The following STXBP5 variants were observed in gnomAD, a reference collection of about 807,000 sequenced individuals.
The protein encoded by STXBP5 is syntaxin binding protein 5.
A neutral mutation model predicts 152.4 loss-of-function variants in STXBP5; 50 were observed. The observed-to-expected ratio is 0.33, with a 90% CI of 0.26 to 0.42. The LOEUF (loss-of-function observed/expected upper bound fraction) is 0.42, where lower values mean the gene tolerates loss of function less well. Ranked by LOEUF, STXBP5 falls within the 10% of genes least tolerant of loss-of-function variation. The probability of loss-of-function intolerance (pLI) is 1.00; values close to 1 mark genes in which losing one functional copy is unlikely to be tolerated. For missense variants in STXBP5, 1,167 were observed against 1,388.6 expected (o/e 0.84, Z 2.54); for synonymous variants, 492 against 494.7 (o/e 0.99, Z 0.07).
At chr6:147,274,879 A>C (rs1780363206) in intron 7 of STXBP5, among the ~76,000 whole-genome samples, 1 of 152,144 alleles carries the variant, frequency 6.6e-6, no homozygotes, top group African/African-American at 2.4e-5. Context: ...AATATTAATT[A>C]GTATATGTGT....
intron 21 of STXBP5, among the ~76,000 whole-genome samples, chr6:147,350,112 T>C (rs1027788341): frequency 6.6e-6 from 1 of 152,170 alleles, no homozygotes; most frequent in African/African-American, 2.4e-5. Context: ...CAACAATCTT[T>C]CCAGTCATTT....
chr6:147,260,821 A>T, intron 5 of STXBP5, 72 bp downstream of exon 5: 2 of 1,498,102 alleles, frequency 1.3e-6, no homozygotes, highest in South Asian at 2.6e-5. Context: ...CATCATAGCC[A>T]ATCAGTAAAT....
chr6:147,213,627 A>G (rs1175039505), intron 2 of STXBP5, among the ~76,000 whole-genome samples: 2 of 152,114 alleles, frequency 1.3e-5, no homozygotes, highest in Non-Finnish European at 2.9e-5. Context: ...AAGAAAATTA[A>G]TAATTAGGAT....
chr6:147,303,272 T>C (rs747811115), intron 9 of STXBP5, among the ~76,000 whole-genome samples: 12 of 152,024 alleles, frequency 7.9e-5, no homozygotes, highest in Non-Finnish European at 1.2e-4. Flanking sequence ...ATGAGGGTGG[T>C]TTCCCCCATG....
At chr6:147,319,660 G>C (rs1782815021) in intron 16 of STXBP5, among the ~76,000 whole-genome samples, 1 of 152,026 alleles carries the variant, frequency 6.6e-6, no homozygotes, top group African/African-American at 2.4e-5. Context: ...GTGTCAGATA[G>C]AGGTAAACTG....
chr6:147,295,493 A>G (rs1176646388), intron 9 of STXBP5, among the ~76,000 whole-genome samples: 1 of 152,198 alleles, frequency 6.6e-6, no homozygotes, highest in African/African-American at 2.4e-5. Flanking sequence ...ACAGACAACT[A>G]AAATTTGACT....
At chr6:147,283,952 C>T (rs1047430420) in intron 8 of STXBP5, among the ~76,000 whole-genome samples, 15 of 152,086 alleles carry the variant, frequency 9.9e-5, no homozygotes, top group Non-Finnish European at 2.1e-4. Flanking sequence ...AGAAAGGTAA[C>T]GTGAGCTGCG....
intron 2 of STXBP5, among the ~76,000 whole-genome samples, chr6:147,225,803 A>G (rs541656099): frequency 4.6e-5 from 7 of 152,292 alleles, no homozygotes; most frequent in Non-Finnish European, 8.8e-5. Context: ...AAAATAAGCA[A>G]TAAGAGGAAA....
chr6:147,384,906 G>C lies in STXBP5; in HGVS notation c.*151G>C. ...TCATGCACTGTTTTACCTCAGTCATGTGGCTTTAACTGAGGAGTGTTCACA... is the reference window on the plus strand; with the variant it reads ...TCATGCACTGTTTTACCTCAGTCATCTGGCTTTAACTGAGGAGTGTTCACA... On this transcript the variant is annotated 3_prime_UTR_variant, in exon 28 of 28. Coordinates refer to ENST00000321680, the MANE Select transcript of STXBP5 (RefSeq NM_001127715.4). 1.3e-6 allele frequency: 1 copy of C among 784,624 alleles called. No homozygotes were observed. The highest frequency in any genetic ancestry group is 2.5e-5 in the East Asian group (1 of 39,850). 48.6% of individuals were successfully genotyped at this position (784,624 alleles called of 1,614,324 possible). A position where few individuals can be genotyped will look rare whatever the true frequency, so the allele number is the denominator to read the frequency against.
At position 147,387,513 on chromosome 6, in the gene STXBP5, C is replaced by T. The variant is rs935322560; in HGVS notation, c.*2758C>T. ...TCATTTCAGTTTTCAAACTAAAATC[C>T]ATATGTATTTGCTGAGAAAGTTATT... On this transcript the variant is annotated 3_prime_UTR_variant, in exon 28 of 28. Coordinates refer to ENST00000321680, the MANE Select transcript of STXBP5 (RefSeq NM_001127715.4). 5.3e-5 allele frequency: 8 copies of T among 151,668 alleles called. No homozygotes were observed. Among genetic ancestry groups the T allele is most frequent in the Admixed American group, 2.0e-4 (3 of 15,194 alleles). 9.4% of individuals were successfully genotyped at this position (151,668 alleles called of 1,614,324 possible). A position where few individuals can be genotyped will look rare whatever the true frequency, so the allele number is the denominator to read the frequency against.
At chr6:147,334,977 G>GA (rs772434141) in intron 19 of STXBP5, among the ~76,000 whole-genome samples, 1 of 152,086 alleles carries the variant, frequency 6.6e-6, no homozygotes, top group Non-Finnish European at 1.5e-5. Flanking sequence ...GAAATATTGA[G>GA]AAGGGTATTT....
chr6:147,234,992 A>G (rs542126413), intron 2 of STXBP5, among the ~76,000 whole-genome samples: 1 of 152,164 alleles, frequency 6.6e-6, no homozygotes, highest in South Asian at 2.1e-4. Flanking sequence ...CCTATATATT[A>G]TCTTGTTTTA....
At chr6:147,222,917 C>T (rs1777531063) in intron 2 of STXBP5, among the ~76,000 whole-genome samples, 1 of 152,190 alleles carries the variant, frequency 6.6e-6, no homozygotes, top group Non-Finnish European at 1.5e-5. Flanking sequence ...GCTTCCTTAC[C>T]CGGACACAGG....
intron 4 of STXBP5, among the ~76,000 whole-genome samples, chr6:147,257,809 A>G (rs1779445828): frequency 6.6e-6 from 1 of 152,182 alleles, no homozygotes; most frequent in Non-Finnish European, 1.5e-5. Context: ...TAGAAGAACA[A>G]CCCCAAACTT....
chr6:147,298,122 A>G (rs560913827), intron 9 of STXBP5, among the ~76,000 whole-genome samples: 1 of 152,224 alleles, frequency 6.6e-6, no homozygotes, highest in South Asian at 2.1e-4. Flanking sequence ...ACTTGTACAG[A>G]TACACATAGA....
rs1341962833 is a variant in STXBP5 at position 147,267,148 on chromosome 6, A to G, written c.695A>G (p.Tyr232Cys). ...GACCTCAAATCAAAGAAAGCCGACT[A>G]CAGATACACATATGATGAGGTAATA... ...LWDLKSKKAD[Y>C]RYTYDEAIHS... Residue 232 changes from tyrosine (Y) to cysteine (C), a missense_variant, in exon 7 of 28, where the codon TAC (tyrosine) becomes TGC (cysteine). By Grantham distance (194) the Tyr-to-Cys change is radical. Around this residue, in one of 3 missense-constraint regions of STXBP5, gnomAD observed 310 missense variants for 346.1 expected, o/e 0.90. Coordinates refer to ENST00000321680, the MANE Select transcript of STXBP5 (RefSeq NM_001127715.4). 2 of 1,609,902 alleles carry G rather than the reference A, an allele frequency of 1.2e-6. No homozygotes were observed. The highest frequency in any genetic ancestry group is 1.7e-6 in the Non-Finnish European group (2 of 1,178,484).
chr6:147,214,350 T>C (rs977412607), intron 2 of STXBP5, among the ~76,000 whole-genome samples: 2 of 152,200 alleles, frequency 1.3e-5, no homozygotes, highest in African/African-American at 4.8e-5. Flanking sequence ...TAAATAAATT[T>C]TGGACACCAG....
intron 4 of STXBP5, among the ~76,000 whole-genome samples, chr6:147,255,715 A>G (rs1323989134): frequency 6.6e-6 from 1 of 151,954 alleles, no homozygotes; most frequent in Non-Finnish European, 1.5e-5. Flanking sequence ...TTCTCACTAT[A>G]TTGCCCCGGG....
intron 7 of STXBP5, among the ~76,000 whole-genome samples, chr6:147,267,456 AT>A (rs1343788831): frequency 6.6e-6 from 1 of 152,008 alleles, no homozygotes; most frequent in Non-Finnish European, 1.5e-5. Flanking sequence ...AATATATCTT[AT>A]TTTTTCTTTT....
Sources: gnomAD v4.1 joint callset for allele counts (sites outside exome capture counted in the v4.1 genomes callset) on GRCh38, gnomAD v4.1.1 for gene constraint, gnomAD v4.1.1 regional missense constraint, MANE v1.5 for transcripts, NCBI Gene and HGNC (gene_info 2026-07-23, HGNC 2026-07-21) for gene names.